The following MPPED2 variants were observed in gnomAD, a reference collection of about 807,000 sequenced individuals.
The protein encoded by MPPED2 is metallophosphoesterase domain containing 2, also known as metallophosphoesterase MPPED2.
Under a neutral mutation model 33.0 loss-of-function variants are expected in MPPED2, and 5 were observed. The observed-to-expected ratio is 0.15, with a 90% CI of 0.08 to 0.32. The LOEUF (loss-of-function observed/expected upper bound fraction) is 0.32. Among genes scored for constraint, MPPED2 ranks in the 10% least tolerant of loss-of-function variants. The pLI is 1.00. For synonymous variants in MPPED2, 136 were observed against 141.9 expected (o/e 0.96, Z 0.29); for missense variants, 275 against 372.1 (o/e 0.74, Z 2.15).
intron 5 of MPPED2, among the ~76,000 whole-genome samples, chr11:30,415,543 C>G (rs1948310540): frequency 6.6e-6 from 1 of 152,188 alleles, no homozygotes. Flanking sequence ...ACTCCCCTCT[C>G]CAATGTCACG....
chr11:30,413,727 A>C (rs1204775067), intron 6 of MPPED2, among the ~76,000 whole-genome samples: 1 of 152,230 alleles, frequency 6.6e-6, no homozygotes, highest in African/African-American at 2.4e-5. Flanking sequence ...CTTCTGTTAC[A>C]TATCTTTCAT....
At chr11:30,554,987 G>A (rs992612934) in intron 2 of MPPED2, among the ~76,000 whole-genome samples, 1 of 152,208 alleles carries the variant, frequency 6.6e-6, no homozygotes, top group East Asian at 1.9e-4. Flanking sequence ...TGCTGGTTTA[G>A]ACTATTCTGT....
intron 4 of MPPED2, among the ~76,000 whole-genome samples, chr11:30,478,919 A>C (rs1344205238): frequency 6.6e-6 from 1 of 152,142 alleles, no homozygotes; most frequent in Non-Finnish European, 1.5e-5. Flanking sequence ...TGTTTGACAG[A>C]GAAAAAAGTT....
chr11:30,462,986 T>G (rs1175023811), intron 4 of MPPED2, among the ~76,000 whole-genome samples: 3 of 152,280 alleles, frequency 2.0e-5, no homozygotes, highest in African/African-American at 7.2e-5. Flanking sequence ...TTGACTTTCC[T>G]AAAGAACCTG....
At chr11:30,456,747 A>C (rs1950297087) in intron 4 of MPPED2, among the ~76,000 whole-genome samples, 1 of 152,202 alleles carries the variant, frequency 6.6e-6, no homozygotes, top group African/African-American at 2.4e-5. Context: ...TCATGGGTAC[A>C]GAATATTCTG....
chr11:30,474,437 A>C (rs1003317162), intron 4 of MPPED2, among the ~76,000 whole-genome samples: 4 of 152,122 alleles, frequency 2.6e-5, no homozygotes, highest in Non-Finnish European at 1.5e-5. Flanking sequence ...ATAGCACACC[A>C]ATTTTCCTTT....
intron 4 of MPPED2, among the ~76,000 whole-genome samples, chr11:30,466,945 T>C (rs1033280136): frequency 1.3e-5 from 2 of 152,222 alleles, no homozygotes; most frequent in East Asian, 1.9e-4. Flanking sequence ...TACGTGTGTG[T>C]ATGTATGTGT....
intron 4 of MPPED2, among the ~76,000 whole-genome samples, chr11:30,489,177 C>T (rs956198494): frequency 1.3e-5 from 2 of 152,060 alleles, no homozygotes; most frequent in South Asian, 4.1e-4. Flanking sequence ...TTCTAATCCT[C>T]TCACTCAATA....
At chr11:30,524,071 T>C (rs1954027637) in intron 3 of MPPED2, among the ~76,000 whole-genome samples, 1 of 151,742 alleles carries the variant, frequency 6.6e-6, no homozygotes. Context: ...GCCAACATGG[T>C]GAAACCTGTC....
intron 3 of MPPED2, among the ~76,000 whole-genome samples, chr11:30,516,138 C>A (rs1319199452): frequency 6.6e-6 from 1 of 152,136 alleles, no homozygotes; most frequent in East Asian, 1.9e-4. Context: ...TAACAAAGTG[C>A]TTCAGGGAGC....
chr11:30,432,940 A>G (rs976112525), intron 4 of MPPED2, among the ~76,000 whole-genome samples: 4 of 152,216 alleles, frequency 2.6e-5, no homozygotes, highest in African/African-American at 9.6e-5. Flanking sequence ...ATGTTAGAAC[A>G]ATGTGAACGT....
chr11:30,441,427 T>C (rs145007124), intron 4 of MPPED2: 2 of 152,294 alleles, frequency 1.3e-5, no homozygotes, highest in Non-Finnish European at 2.9e-5. Context: ...AAATCAGAAA[T>C]GGAACAAGTG....
intron 3 of MPPED2, among the ~76,000 whole-genome samples, chr11:30,505,441 T>A (rs1952778849): frequency 6.6e-6 from 1 of 152,216 alleles, no homozygotes; most frequent in African/African-American, 2.4e-5. Flanking sequence ...TAAATGGGAA[T>A]CCCTAGTGGT....
intron 4 of MPPED2, among the ~76,000 whole-genome samples, chr11:30,454,400 G>A (rs1311639937): frequency 6.6e-6 from 1 of 152,084 alleles, no homozygotes; most frequent in Non-Finnish European, 1.5e-5. Context: ...ATAGCAGGAA[G>A]TGAAGGCAAA....
intron 2 of MPPED2, among the ~76,000 whole-genome samples, chr11:30,542,459 C>CAAAAAAAAAAA (rs59474313): frequency 5.1e-5 from 4 of 77,782 alleles, no homozygotes; most frequent in Admixed American, 3.5e-4. Flanking sequence ...ACCAAAAGTA[C>CAAAAAAAAAAA]AAAAAAAAAA....
chr11:30,408,378 C>G (rs1348510567), downstream of MPPED2, among the ~76,000 whole-genome samples: 1 of 152,172 alleles, frequency 6.6e-6, no homozygotes, highest in East Asian at 1.9e-4. Context: ...GGCACTCTCT[C>G]GGCGCTCACT....
intron 6 of MPPED2, among the ~76,000 whole-genome samples, chr11:30,392,425 T>A (rs1947791357): frequency 6.6e-6 from 1 of 152,216 alleles, no homozygotes; most frequent in Non-Finnish European, 1.5e-5. Context: ...CAGACAATAA[T>A]TACTTTAACA....
intron 4 of MPPED2, among the ~76,000 whole-genome samples, chr11:30,429,785 C>T (rs1949000012): frequency 6.6e-6 from 1 of 152,186 alleles, no homozygotes; most frequent in Non-Finnish European, 1.5e-5. Context: ...CCTCAAGGCT[C>T]AATTCATAAT....
chr11:30,500,958 A>G (rs961050831), intron 3 of MPPED2, among the ~76,000 whole-genome samples: 2 of 152,186 alleles, frequency 1.3e-5, no homozygotes, highest in African/African-American at 4.8e-5. Flanking sequence ...TCCAACTTTA[A>G]GCCCGCATGA....
Sources: gnomAD v4.1 joint callset for allele counts (sites outside exome capture counted in the v4.1 genomes callset) on GRCh38, gnomAD v4.1.1 for gene constraint, MANE v1.5 for transcripts, NCBI Gene and HGNC (gene_info 2026-07-23, HGNC 2026-07-21) for gene names.